TAFA1: variants seen among roughly 807,000 people sequenced by gnomAD.
TAFA1 encodes TAFA chemokine like family member 1.
In TAFA1, 4 loss-of-function variants were observed where a neutral mutation model predicts 18.5. The ratio of observed to expected loss-of-function variants is 0.22; its 90% CI spans 0.11 to 0.49. The LOEUF is 0.49. Ranked by LOEUF, TAFA1 falls within the 20% of genes least tolerant of loss-of-function variation. The pLI, the probability that TAFA1 is intolerant of heterozygous loss-of-function variation, is 0.98. For missense variants in TAFA1, 147 were observed against 169.0 expected (o/e 0.87, Z 0.72); for synonymous variants, 56 against 55.2 (o/e 1.01, Z -0.06).
At chr3:68,272,987 G>A (rs2067705459) in intron 2 of TAFA1, among the ~76,000 whole-genome samples, 1 of 151,966 alleles carries the variant, frequency 6.6e-6, no homozygotes, top group Non-Finnish European at 1.5e-5. Flanking sequence ...GTATCTCTAT[G>A]CTATCCATGG....
At chr3:68,517,925 TAA>T (rs1296945899) in intron 3 of TAFA1, among the ~76,000 whole-genome samples, 1 of 65,882 alleles carries the variant, frequency 1.5e-5, no homozygotes, top group East Asian at 6.2e-4. Context: ...CACTTGCTGA[TAA>T]ACACACACAC....
the TAFA1 span, among the ~76,000 whole-genome samples, chr3:67,997,956 T>G: frequency 6.6e-6 from 1 of 151,798 alleles, no homozygotes; most frequent in East Asian, 1.9e-4. Context: ...ATTAGAGGAC[T>G]GACATGAGAA....
intron 4 of TAFA1, among the ~76,000 whole-genome samples, chr3:68,540,618 T>G (rs1185113184): frequency 6.6e-6 from 1 of 152,216 alleles, no homozygotes; most frequent in Non-Finnish European, 1.5e-5. Context: ...ATCTCTTTTC[T>G]CTATTCTAAA....
chr3:68,323,853 C>CACATAAAACTT (rs2068731557), intron 2 of TAFA1, among the ~76,000 whole-genome samples: 1 of 152,064 alleles, frequency 6.6e-6, no homozygotes, highest in Non-Finnish European at 1.5e-5. Flanking sequence ...TTGTGTTCCA[C>CACATAAAACTT]GTTGGGAGGG....
At chr3:68,187,785 T>C (rs951595127) in intron 2 of TAFA1, among the ~76,000 whole-genome samples, 3 of 151,982 alleles carry the variant, frequency 2.0e-5, no homozygotes, top group Non-Finnish European at 1.5e-5. Context: ...CCAGAAGCAA[T>C]GTATGATCAT....
chr3:68,128,788 C>T (rs942834092), intron 2 of TAFA1, among the ~76,000 whole-genome samples: 2 of 152,124 alleles, frequency 1.3e-5, no homozygotes, highest in African/African-American at 4.8e-5. Context: ...TACTCAGGCT[C>T]AGCGAGTTAA....
chr3:68,208,476 C>A (rs2066553523), intron 2 of TAFA1, among the ~76,000 whole-genome samples: 1 of 151,930 alleles, frequency 6.6e-6, no homozygotes, highest in Non-Finnish European at 1.5e-5. Flanking sequence ...TTTTCCACCA[C>A]TGCATTTTTG....
chr3:68,381,166 A>T (rs987477206), intron 2 of TAFA1, among the ~76,000 whole-genome samples: 5 of 144,870 alleles, frequency 3.5e-5, no homozygotes, highest in Non-Finnish European at 7.5e-5. Context: ...TGTTTTGGTT[A>T]CTGTAGCCTT....
intron 2 of TAFA1, among the ~76,000 whole-genome samples, chr3:68,357,676 T>C (rs1263511784): frequency 6.6e-6 from 1 of 151,918 alleles, no homozygotes; most frequent in East Asian, 1.9e-4. Flanking sequence ...AAAATGGCTC[T>C]TGTCAACTAT....
chr3:68,282,367 C>G (rs1559598085), intron 2 of TAFA1, among the ~76,000 whole-genome samples: 3 of 152,112 alleles, frequency 2.0e-5, no homozygotes, highest in African/African-American at 7.2e-5. Flanking sequence ...CTTGTGCATC[C>G]TTGTGCATAA....
At chr3:68,202,722 C>A (rs1359305460) in intron 2 of TAFA1, among the ~76,000 whole-genome samples, 1 of 151,572 alleles carries the variant, frequency 6.6e-6, no homozygotes, top group African/African-American at 2.4e-5. Context: ...TATCATTTCT[C>A]TAGTGAAATT....
At chr3:68,126,719 A>G (rs1237960297) in intron 2 of TAFA1, among the ~76,000 whole-genome samples, 1 of 152,188 alleles carries the variant, frequency 6.6e-6, no homozygotes, top group Non-Finnish European at 1.5e-5. Flanking sequence ...TTTGGGCACA[A>G]TAAGGGAAGC....
At position 68,544,550 on chromosome 3, in the gene TAFA1, C is replaced by A. The variant is rs762372581; in HGVS notation, c.*47C>A. 1.8e-5 allele frequency: 28 copies of A among 1,594,520 alleles called. No homozygotes were observed. Among genetic ancestry groups the A allele is most frequent in the Admixed American group, 3.4e-5 (2 of 59,642 alleles). On this transcript the variant is annotated 3_prime_UTR_variant, in exon 5 of 5. Transcript: ENST00000478136. ...AGGAAAACCAACCCTCTGGAAAATA[C>A]ATTTTGAGAATCTCAAACATCTCAC...
At chr3:68,102,754 T>C (rs1290229968) in intron 2 of TAFA1, among the ~76,000 whole-genome samples, 1 of 152,198 alleles carries the variant, frequency 6.6e-6, no homozygotes, top group Non-Finnish European at 1.5e-5. Context: ...TTCTTAGATT[T>C]CTCTTCAATT....
At chr3:68,170,934 T>G (rs752320936) in intron 2 of TAFA1, among the ~76,000 whole-genome samples, 24 of 151,946 alleles carry the variant, frequency 1.6e-4, no homozygotes, top group Non-Finnish European at 3.4e-4. Context: ...AGGAAACTCA[T>G]TAAGCCAACA....
At chr3:68,446,686 A>C (rs549364787) in intron 3 of TAFA1, among the ~76,000 whole-genome samples, 142 of 152,338 alleles carry the variant, frequency 9.3e-4, no homozygotes, top group African/African-American at 3.2e-3. Flanking sequence ...AAAGACATAC[A>C]GGTTAACTTT....
chr3:68,438,751 G>C (rs2071310228), intron 3 of TAFA1, among the ~76,000 whole-genome samples: 1 of 152,072 alleles, frequency 6.6e-6, no homozygotes, highest in South Asian at 2.1e-4. Context: ...CATAGCTCTT[G>C]TTTTCTGCAA....
At position 68,407,580 on chromosome 3, in the gene TAFA1, C is replaced by T. The variant is rs535203200; in HGVS notation, c.119-9700C>T. Among the ~76,000 whole-genome samples, 291 of 152,210 alleles carry T rather than the reference C, an allele frequency of 1.9e-3. 1 individual carries two copies. The highest frequency in any genetic ancestry group is 0.014 in the Middle Eastern group (4 of 294). On this transcript the variant is annotated intron_variant, in intron 2 of 4. Transcript: ENST00000478136. ...CTCAACCTTACTCTTAAACCAAGAC[C>T]GTTGACCCAGCTAGGCAATAATGTA...
intron 2 of TAFA1, among the ~76,000 whole-genome samples, chr3:68,022,375 G>T (rs1280156942): frequency 6.6e-6 from 1 of 152,188 alleles, no homozygotes; most frequent in Non-Finnish European, 1.5e-5. Context: ...TTAGGTAAAT[G>T]AAGTGGGGTT....
Sources: allele counts gnomAD v4.1 joint callset (sites outside exome capture counted in the v4.1 genomes callset), GRCh38; gene constraint gnomAD v4.1.1; transcripts MANE v1.5; gene names NCBI Gene and HGNC (gene_info 2026-07-23, HGNC 2026-07-21).